Variants in B3GAT2 observed in about 807,000 individuals in gnomAD.
B3GAT2 encodes beta-1,3-glucuronyltransferase 2.
A neutral mutation model predicts 27.8 loss-of-function variants in B3GAT2; 26 were observed. That is an observed-to-expected ratio of 0.93 (90% CI 0.68 to 1.30). The LOEUF is 1.30. Among genes scored for constraint, B3GAT2 ranks in the 50% most tolerant of loss-of-function variants. B3GAT2 has a pLI of 0.00. For missense variants in B3GAT2, 458 were observed against 459.0 expected (o/e 1.00, Z 0.02); for synonymous variants, 218 against 195.1 (o/e 1.12, Z -0.98).
chr6:70,945,779 C>A (rs983007529), intron 1 of B3GAT2, among the ~76,000 whole-genome samples: 1 of 149,964 alleles, frequency 6.7e-6, no homozygotes, highest in Non-Finnish European at 1.5e-5. Context: ...GTCAGATTCA[C>A]CAAAGTTGAA....
Position 70,859,522 on chromosome 6 carries a change from TAAG to T in B3GAT2, c.*2138_*2140del, listed in dbSNP as rs1173687308. ...ATAAGTCAAGTCAAATGTATTAAAT[TAAG>T]AACACAGTCTAACTCTGAGTGTAAG... On this transcript the variant is annotated 3_prime_UTR_variant, in exon 4 of 4. Transcript: ENST00000230053. The T allele has an allele frequency of 4.2e-6, 3 of 714,344 alleles. No individual in the cohort carries two copies. The highest frequency in any genetic ancestry group is 6.8e-6 in the Non-Finnish European group (3 of 440,186). 44.3% of individuals were successfully genotyped at this position (714,344 alleles called of 1,614,324 possible).
chr6:70,881,167 C>T (rs1006400343), intron 2 of B3GAT2, among the ~76,000 whole-genome samples: 2 of 152,168 alleles, frequency 1.3e-5, no homozygotes. Flanking sequence ...AACAGTATCA[C>T]TGACACTTAG....
Position 70,860,346 on chromosome 6 carries a change from C to A in B3GAT2, c.*1317G>T. 6.2e-7 allele frequency: 1 copy of A among 1,601,528 alleles called. No homozygotes were observed. Among genetic ancestry groups the A allele is most frequent in the South Asian group, 1.1e-5 (1 of 88,464 alleles). On this transcript the variant is annotated 3_prime_UTR_variant, in exon 4 of 4. Transcript: ENST00000230053. ...AACTGTGGAAATGAAAACTGCAATACAAGTTTCATCCAGAACTACCACCTG... is the reference window on the plus strand; with the variant it reads ...AACTGTGGAAATGAAAACTGCAATAAAAGTTTCATCCAGAACTACCACCTG...
intron 2 of B3GAT2, among the ~76,000 whole-genome samples, chr6:70,876,295 A>G (rs907733563): frequency 6.6e-6 from 1 of 152,242 alleles, no homozygotes; most frequent in Non-Finnish European, 1.5e-5. Context: ...TAATGAAGCT[A>G]TTACATCACC....
In B3GAT2 at chr6:70,923,514, T is replaced by A. The variant is rs186937728; in HGVS notation, c.592-29242A>T. 5.3e-5 allele frequency among the ~76,000 whole-genome samples: 8 copies of A among 152,154 alleles called. 1 individual carries two copies. The East Asian group carries it at 1.5e-3, about 29-fold the overall frequency. ...AGTGTAGTGAGACTCTCTACAAAAA[T>A]TTTTTTAAAGAAGTAGCCAGGCATG... is the stretch of plus-strand genomic sequence containing the variant. On this transcript the variant is annotated intron_variant, in intron 1 of 3. Coordinates refer to ENST00000230053, the MANE Select transcript of B3GAT2 (RefSeq NM_080742.3).
At chr6:70,906,995 G>A (rs1335565668) in intron 1 of B3GAT2, among the ~76,000 whole-genome samples, 1 of 152,170 alleles carries the variant, frequency 6.6e-6, no homozygotes, top group East Asian at 1.9e-4. Flanking sequence ...AATGGTGCAG[G>A]AACATGATGA....
At chr6:70,869,339 G>A (rs967796943) in intron 2 of B3GAT2, among the ~76,000 whole-genome samples, 2 of 152,080 alleles carry the variant, frequency 1.3e-5, no homozygotes, top group African/African-American at 4.8e-5. Flanking sequence ...AGTTTTATAA[G>A]TTTTCAAATT....
At chr6:70,884,766 C>A (rs1772156591) in intron 2 of B3GAT2, among the ~76,000 whole-genome samples, 2 of 152,186 alleles carry the variant, frequency 1.3e-5, no homozygotes, top group South Asian at 4.1e-4. Context: ...GCAGTGTGTG[C>A]CACTCTTGGT....
intron 1 of B3GAT2, among the ~76,000 whole-genome samples, chr6:70,902,633 T>TACACACACACACACAC (rs200605766): frequency 6.2e-5 from 9 of 144,134 alleles, no homozygotes; most frequent in Admixed American, 2.8e-4. Context: ...TATATATATA[T>TACACACACACACACAC]ATATACACAC....
rs1053485257 is a variant in B3GAT2, at chr6:70,860,043, T to G, written c.*1620A>C. On this transcript the variant is annotated 3_prime_UTR_variant, in exon 4 of 4. Coordinates refer to ENST00000230053, the MANE Select transcript of B3GAT2 (RefSeq NM_080742.3). ...TAGATAAAGAAGGGAACAAAGTAGC[T>G]ATTTGCTTTAAGAAATATTTGTATG... 5.9e-5 allele frequency: 42 copies of G among 707,398 alleles called. No individual in the cohort carries two copies. Among genetic ancestry groups the G allele is most frequent in the Non-Finnish European group, 6.5e-5 (30 of 464,526 alleles). 43.8% of individuals were successfully genotyped at this position (707,398 alleles called of 1,614,324 possible). A position where few individuals can be genotyped will look rare whatever the true frequency, so the allele number is the denominator to read the frequency against.
intron 2 of B3GAT2, among the ~76,000 whole-genome samples, chr6:70,884,623 C>T (rs997480568): frequency 6.6e-6 from 1 of 152,088 alleles, no homozygotes; most frequent in Admixed American, 6.6e-5. Flanking sequence ...GGGGCATCCA[C>T]GTGTGATGGA....
intron 2 of B3GAT2, among the ~76,000 whole-genome samples, chr6:70,864,061 C>CTTTTT (rs35544177): frequency 2.3e-5 from 3 of 129,794 alleles, no homozygotes; most frequent in Admixed American, 1.6e-4. Context: ...AAGCTTTATC[C>CTTTTT]TTTTTTTTTT....
In B3GAT2 at chr6:70,943,628, C is replaced by G. The variant is rs1260130505; in HGVS notation, c.591+12211G>C. Among the ~76,000 whole-genome samples, 5 of 152,244 alleles carry G rather than the reference C, an allele frequency of 3.3e-5. No homozygotes were observed. In the East Asian group the frequency reaches 9.6e-4, roughly 29 times the overall value. ...TAATTTTAATATCTATAGAAGTTATCAATTCTTATTCACAAGAATACGTAG... is the reference window on the plus strand; with the variant it reads ...TAATTTTAATATCTATAGAAGTTATGAATTCTTATTCACAAGAATACGTAG... On this transcript the variant is annotated intron_variant, in intron 1 of 3. Transcript: ENST00000230053.
At chr6:70,890,970 C>T (rs1053200213) in intron 2 of B3GAT2, among the ~76,000 whole-genome samples, 12 of 152,344 alleles carry the variant, frequency 7.9e-5, no homozygotes, top group South Asian at 2.1e-4. Flanking sequence ...CAAATCTACA[C>T]CTCCTGGTGA....
chr6:70,885,265 GT>G (rs925130457), intron 2 of B3GAT2, among the ~76,000 whole-genome samples: 6 of 152,072 alleles, frequency 3.9e-5, no homozygotes, highest in Non-Finnish European at 7.4e-5. Flanking sequence ...TTGTCTCGTG[GT>G]CTACATAGAC....
At chr6:70,863,436 C>T (rs1222136920) in intron 2 of B3GAT2, among the ~76,000 whole-genome samples, 1 of 152,196 alleles carries the variant, frequency 6.6e-6, no homozygotes, top group Non-Finnish European at 1.5e-5. Context: ...TGAAGCAGAA[C>T]AAAGAATCAT....
At chr6:70,915,246 T>G (rs902550186) in intron 1 of B3GAT2, among the ~76,000 whole-genome samples, 4 of 152,184 alleles carry the variant, frequency 2.6e-5, no homozygotes, top group African/African-American at 9.7e-5. Flanking sequence ...CACTTTTTGA[T>G]GCAGTGGTTT....
intron 2 of B3GAT2, among the ~76,000 whole-genome samples, chr6:70,890,455 C>G (rs1017414909): frequency 6.6e-6 from 1 of 152,252 alleles, no homozygotes; most frequent in African/African-American, 2.4e-5. Context: ...TGCTCCCAGC[C>G]TGCTCCTTCC....
intron 1 of B3GAT2, among the ~76,000 whole-genome samples, chr6:70,944,226 G>C (rs1765439075): frequency 6.7e-6 from 1 of 150,218 alleles, no homozygotes; most frequent in African/African-American, 2.4e-5. Context: ...AGTGGGCGCA[G>C]GACAGTGGGT....
Sources: gnomAD v4.1 joint callset for allele counts (sites outside exome capture counted in the v4.1 genomes callset) on GRCh38, gnomAD v4.1.1 for gene constraint, MANE v1.5 for transcripts, NCBI Gene and HGNC (gene_info 2026-07-23, HGNC 2026-07-21) for gene names.